GALNT13: variants seen among roughly 807,000 people sequenced by gnomAD.
GALNT13 encodes UDP-GalNAc:polypeptide N-acetylgalactosaminyltransferase 13.
In GALNT13, 28 loss-of-function variants were observed where a neutral mutation model predicts 64.2. That is an observed-to-expected ratio of 0.44 (90% confidence interval 0.32 to 0.60). The LOEUF (loss-of-function observed/expected upper bound fraction) is 0.60, where lower values mean the gene tolerates loss of function less well. GALNT13 is among the 20% of genes least tolerant of loss of function. The pLI is 0.05. For synonymous variants in GALNT13, 214 were observed against 224.6 expected, an observed-to-expected ratio of 0.95 and a Z score of 0.42; for missense variants, 577 against 669.8, an observed-to-expected ratio of 0.86 and a Z score of 1.53.
At chr2:154,145,641 T>C (rs1023916947) in intron 4 of GALNT13, among the ~76,000 whole-genome samples, 1 of 152,002 alleles carries the variant, frequency 6.6e-6, no homozygotes, top group Admixed American at 6.6e-5. Context: ...TTCTTACATA[T>C]GCACACTTTC....
At position 154,453,354 on chromosome 2, in the gene GALNT13, GCA is replaced by G. The variant is rs141411736; in HGVS notation, c.*2816_*2817del. 4.4e-4 allele frequency: 66 copies of G among 151,138 alleles called. No individual in the cohort carries two copies. In the East Asian group the frequency reaches 5.6e-3, roughly 13 times the overall value. 9.4% of individuals were successfully genotyped at this position (151,138 alleles called of 1,614,324 possible). On this transcript the variant is annotated 3_prime_UTR_variant, in exon 13 of 13. Transcript: ENST00000392825. ...CCACTCACCACACATACATACACATGCACACACACACACATGCAATTCTACCT... is the reference window on the plus strand; with the variant it reads ...CCACTCACCACACATACATACACATGCACACACACACATGCAATTCTACCT...
intron 9 of GALNT13, among the ~76,000 whole-genome samples, chr2:154,380,476 T>G (rs767683005): frequency 6.6e-6 from 1 of 152,082 alleles, no homozygotes; most frequent in African/African-American, 2.4e-5. Flanking sequence ...TTAAAATATT[T>G]TTAATGTATA....
chr2:154,166,124 G>T (rs1194222444), intron 4 of GALNT13, among the ~76,000 whole-genome samples: 2 of 152,144 alleles, frequency 1.3e-5, no homozygotes, highest in Non-Finnish European at 2.9e-5. Context: ...AAAATTGTTG[G>T]CTGGGCACTG....
chr2:153,719,274 A>G, the GALNT13 span, among the ~76,000 whole-genome samples: 1 of 145,238 alleles, frequency 6.9e-6, no homozygotes, highest in African/African-American at 2.7e-5. Flanking sequence ...ACATAAAGAT[A>G]CTTAACTTAT....
chr2:153,393,315 G>C, the GALNT13 span, among the ~76,000 whole-genome samples: 1 of 150,950 alleles, frequency 6.6e-6, no homozygotes, highest in Non-Finnish European at 1.5e-5. Context: ...TGGCAAAACA[G>C]CTCTCTCTAG....
At chr2:153,417,056 T>C in the GALNT13 span, among the ~76,000 whole-genome samples, 1 of 152,076 alleles carries the variant, frequency 6.6e-6, no homozygotes, top group African/African-American at 2.4e-5. Flanking sequence ...CAGAGAAGCC[T>C]CACTGAGAAT....
chr2:154,157,873 A>G (rs1339465091), intron 4 of GALNT13, among the ~76,000 whole-genome samples: 6 of 152,134 alleles, frequency 3.9e-5, no homozygotes. Flanking sequence ...TTTTGAAATA[A>G]ATTTTTCACT....
At chr2:153,255,101 G>A in the GALNT13 span, among the ~76,000 whole-genome samples, 4 of 151,934 alleles carry the variant, frequency 2.6e-5, no homozygotes, top group East Asian at 5.8e-4. Context: ...TGTGTGGGAG[G>A]CTAAGTCTCT....
At chr2:153,622,084 G>A in the GALNT13 span, among the ~76,000 whole-genome samples, 4,724 of 152,210 alleles carry the variant, frequency 0.031, 120 homozygotes, top group Middle Eastern at 0.061. Flanking sequence ...GGTGTTTTGA[G>A]AGGTAACATC....
At chr2:153,507,388 C>G in the GALNT13 span, among the ~76,000 whole-genome samples, 6 of 152,058 alleles carry the variant, frequency 3.9e-5, no homozygotes, top group African/African-American at 1.4e-4. Context: ...TCAAGCAATT[C>G]TCTTGCCTCA....
At chr2:153,681,329 T>C in the GALNT13 span, among the ~76,000 whole-genome samples, 1 of 151,834 alleles carries the variant, frequency 6.6e-6, no homozygotes, top group Non-Finnish European at 1.5e-5. Context: ...ATAATATTAA[T>C]CTCAAAGATA....
chr2:154,390,897 C>A (rs1039257951), intron 9 of GALNT13, among the ~76,000 whole-genome samples: 3 of 152,126 alleles, frequency 2.0e-5, no homozygotes, highest in Non-Finnish European at 4.4e-5. Context: ...TTATTTAGGT[C>A]TTTCTCCAGT....
chr2:153,867,046 G>A (rs183226786), upstream of GALNT13, among the ~76,000 whole-genome samples: 49 of 152,248 alleles, frequency 3.2e-4, no homozygotes, highest in Middle Eastern at 3.4e-3. Context: ...GAATGCCCGT[G>A]CATTATAAGA....
At chr2:154,446,864 G>A in intron 12 of GALNT13, 1 of 1,218,426 alleles carries the variant, frequency 8.2e-7, no homozygotes, top group Non-Finnish European at 1.1e-6. Context: ...AGAAAAATTT[G>A]TATGACCTTT....
the GALNT13 span, among the ~76,000 whole-genome samples, chr2:153,821,123 A>G: frequency 6.6e-6 from 1 of 152,166 alleles, no homozygotes; most frequent in Non-Finnish European, 1.5e-5. Context: ...GAAAAGATTC[A>G]TACAGCCACA....
chr2:153,907,008 G>GT, intron 2 of GALNT13, among the ~76,000 whole-genome samples: 1 of 151,640 alleles, frequency 6.6e-6, no homozygotes, highest in East Asian at 1.9e-4. Flanking sequence ...GATGATGAGC[G>GT]TTTTTTCATG....
At chr2:154,242,300 G>T (rs1193652923) in intron 5 of GALNT13, 104 bp downstream of exon 5, 2 of 946,542 alleles carry the variant, frequency 2.1e-6, no homozygotes, top group East Asian at 5.2e-5. Context: ...ACTAGGCAAT[G>T]ATCTATATTT....
chr2:154,332,251 T>C lies in GALNT13; in HGVS notation c.1156+30662T>C, dbSNP rs116440330. On this transcript the variant is annotated intron_variant, in intron 9 of 12. Transcript: ENST00000392825. ...TTTTATAAGAGACAGAGAGATTGTGTTTTCTACCTCTGCTGAGCCTAAAAA... is the reference window on the plus strand; with the variant it reads ...TTTTATAAGAGACAGAGAGATTGTGCTTTCTACCTCTGCTGAGCCTAAAAA... Among the ~76,000 whole-genome samples, 1,365 of 152,156 alleles carry C rather than the reference T, an allele frequency of 9.0e-3. 19 individuals carry two copies. The highest frequency in any genetic ancestry group is 0.027 in the African/African-American group (1,135 of 41,542).
chr2:154,165,726 G>A (rs941800461), intron 4 of GALNT13, among the ~76,000 whole-genome samples: 2 of 152,108 alleles, frequency 1.3e-5, no homozygotes, highest in African/African-American at 4.8e-5. Flanking sequence ...TCTAAAAGAA[G>A]GATTACCAAA....
Sources: gnomAD v4.1 joint callset for allele counts (sites outside exome capture counted in the v4.1 genomes callset) on GRCh38, gnomAD v4.1.1 for gene constraint, MANE v1.5 for transcripts, NCBI Gene and HGNC (gene_info 2026-07-23, HGNC 2026-07-21) for gene names.